The following STYXL2 variants were observed in gnomAD, a reference collection of about 807,000 sequenced individuals.
The protein encoded by STYXL2 is serine/threonine/tyrosine-interacting-like protein 2.
A neutral mutation model predicts 52.4 loss-of-function variants in STYXL2; 44 were observed. That is an observed-to-expected ratio of 0.84 (90% CI 0.66 to 1.08). The LOEUF (loss-of-function observed/expected upper bound fraction) is 1.08, where lower values mean the gene tolerates loss of function less well. Among genes scored for constraint, STYXL2 ranks in the 50% least tolerant of loss-of-function variants. The pLI is 0.00. For missense variants in STYXL2, 1,604 were observed against 1,471.7 expected, an observed-to-expected ratio of 1.09 and a Z score of -1.47; for synonymous variants, 604 against 586.9, an observed-to-expected ratio of 1.03 and a Z score of -0.42.
At chr1:167,121,537 A>C (rs946949461) in intron 5 of STYXL2, among the ~76,000 whole-genome samples, 18 of 152,380 alleles carry the variant, frequency 1.2e-4, no homozygotes, top group African/African-American at 4.3e-4. Context: ...GGCAGATCCC[A>C]GAATGTGGAA....
In STYXL2 at chr1:167,126,574, C is replaced by T. The variant is rs1312338200; in HGVS notation, c.1443C>T (p.Asn481=). 3 of 1,613,934 alleles carry T rather than the reference C, an allele frequency of 1.9e-6. No homozygotes were observed. Among genetic ancestry groups the T allele is most frequent in the African/African-American group, 1.3e-5 (1 of 75,016 alleles). Residue 481 remains asparagine, a synonymous_variant, in exon 6 of 6, where the codon AAC becomes AAT. Coordinates refer to ENST00000361200, the MANE Select transcript of STYXL2 (RefSeq NM_001080426.3). The part of the protein sequence containing the change: ...MSSESTWDAW[N]ERLLEIEKEA... Reference sequence around the variant, plus strand: ...CGGAGAGCACCTGGGACGCATGGAACGAGAGGCTGCTGGAGATTGAGAAGG... The same window carrying T: ...CGGAGAGCACCTGGGACGCATGGAATGAGAGGCTGCTGGAGATTGAGAAGG...
In STYXL2 at chr1:167,125,933, C is replaced by G; in HGVS notation, c.802C>G (p.Leu268Val). ...KRAIYPNEGF[L>V]KQLRELNEKL... ...GGCCATCTACCCCAATGAGGGCTTCCTGAAGCAGCTGCGGGAGCTCAATGA... is the reference window on the plus strand; with the variant it reads ...GGCCATCTACCCCAATGAGGGCTTCGTGAAGCAGCTGCGGGAGCTCAATGA... Residue 268 changes from leucine (L) to valine (V), a missense_variant, in exon 6 of 6, where the codon CTG becomes GTG. Transcript: ENST00000361200. 6.2e-7 allele frequency: 1 copy of G among 1,614,064 alleles called. No individual in the cohort carries two copies.
chr1:167,122,917 C>T (rs780825496), intron 5 of STYXL2, among the ~76,000 whole-genome samples: 35 of 152,276 alleles, frequency 2.3e-4, no homozygotes, highest in East Asian at 3.9e-4. Flanking sequence ...TCCACCACCT[C>T]GGCCTCCCAG....
At chr1:167,113,025 C>T (rs1429460828) in intron 2 of STYXL2, among the ~76,000 whole-genome samples, 2 of 152,150 alleles carry the variant, frequency 1.3e-5, no homozygotes, top group African/African-American at 4.8e-5. Context: ...GTAGATTCTC[C>T]ATGTTCCTAA....
Position 167,119,349 on chromosome 1 carries a change from A to T in STYXL2, c.538A>T (p.Thr180Ser). The change falls in exon 5 of 6, where the codon ACT becomes TCT. Residue 180 changes from threonine to serine, a missense_variant. Thr to Ser is a moderately conservative substitution (Grantham distance 58). Transcript: ENST00000361200. ...TGVYTGPEFY[T>S]GLEIQYLGVE... Reference sequence around the variant, plus strand: ...CGTTTACACTGGCCCCGAATTCTACACTGGCCTGGAGATCCAGTACCTGGG... The same window carrying T: ...CGTTTACACTGGCCCCGAATTCTACTCTGGCCTGGAGATCCAGTACCTGGG... 5 of 1,614,206 alleles carry T rather than the reference A, an allele frequency of 3.1e-6. No homozygotes were observed. Among genetic ancestry groups the T allele is most frequent in the South Asian group, 2.2e-5 (2 of 91,092 alleles).
At chr1:167,116,651 G>GTTT (rs57553225) in intron 3 of STYXL2, among the ~76,000 whole-genome samples, 1,328 of 113,688 alleles carry the variant, frequency 0.012, 53 homozygotes, top group African/African-American at 0.023. Context: ...TTTTTTTTTG[G>GTTT]TTTTTTTTTT....
chr1:167,128,013 A>G lies in STYXL2; in HGVS notation c.2882A>G (p.Lys961Arg), dbSNP rs1199586120. 6.2e-7 allele frequency: 1 copy of G among 1,614,230 alleles called. No individual in the cohort carries two copies. The highest frequency in any genetic ancestry group is 1.7e-5 in the Admixed American group (1 of 60,030). Residue 961 changes from lysine (K) to arginine (R), a missense_variant, in exon 6 of 6, where the codon AAG (lysine) becomes AGG (arginine). By Grantham distance (26) the Lys-to-Arg change is conservative. Coordinates refer to ENST00000361200, the MANE Select transcript of STYXL2 (RefSeq NM_001080426.3). ...GACTGGTCTGGAAGTTCCAGAGGGA[A>G]GTACACCAGATCGTCCCTGCTCAGG... is the stretch of plus-strand genomic sequence containing the variant. Reference protein sequence around the residue: ...QSDWSGSSRGKYTRSSLLRET... With the variant: ...QSDWSGSSRGRYTRSSLLRET...
chr1:167,128,461 G>A lies in STYXL2; in HGVS notation c.3330G>A (p.Gly1110=), dbSNP rs1668024514. ...AGAGGACAGAAAACAGAGAAGAAGG[G>A]AGGTTTGCATCTGGACGGCGGTCCC... The part of the protein sequence containing the change: ...EKERTENREE[G]RFASGRRSQY... Residue 1110 remains glycine, a synonymous_variant, in exon 6 of 6, where the codon GGG becomes GGA. Transcript: ENST00000361200. 1 of 1,614,084 alleles carries A rather than the reference G, an allele frequency of 6.2e-7. No homozygotes were observed. The highest frequency in any genetic ancestry group is 8.5e-7 in the Non-Finnish European group (1 of 1,180,002).
chr1:167,113,109 C>T (rs1667651110), intron 2 of STYXL2, among the ~76,000 whole-genome samples: 1 of 150,016 alleles, frequency 6.7e-6, no homozygotes, highest in Non-Finnish European at 1.5e-5. Context: ...ACTTTCTTTG[C>T]ATCCCTGGGC....
At chr1:167,096,622 G>A (rs1045641567) in intron 2 of STYXL2, among the ~76,000 whole-genome samples, 2 of 152,108 alleles carry the variant, frequency 1.3e-5, no homozygotes, top group African/African-American at 4.8e-5. Flanking sequence ...AGGTTTTATG[G>A]TCCAGATGTG....
rs1457881092 is a variant in STYXL2, at chr1:167,128,206, G to A, written c.3075G>A (p.Thr1025=). ...GREMHKFSRS[T]YNETSSSREE... ...AGATGCACAAGTTCTCCAGGTCCAC[G>A]TACAACGAGACCTCAAGTTCCCGAG... The change falls in exon 6 of 6, where the codon ACG becomes ACA. Residue 1025 remains threonine (T), a synonymous_variant. Transcript: ENST00000361200. 9 of 1,614,172 alleles carry A rather than the reference G, an allele frequency of 5.6e-6. No homozygotes were observed. Among genetic ancestry groups the A allele is most frequent in the African/African-American group, 1.3e-5 (1 of 75,044 alleles).
chr1:167,124,323 C>T (rs1558026193), intron 5 of STYXL2, among the ~76,000 whole-genome samples: 1 of 152,160 alleles, frequency 6.6e-6, no homozygotes, highest in East Asian at 1.9e-4. Context: ...CTCTGACCTC[C>T]TGTGTGACCA....
In STYXL2 at chr1:167,126,296, G is replaced by A. The variant is rs781560890; in HGVS notation, c.1165G>A (p.Val389Met). ...QGGEELEDEDVERIIQEWQSR... is the reference protein window; with the variant it reads ...QGGEELEDEDMERIIQEWQSR... Reference sequence around the variant, plus strand: ...TGGGGAGGAGCTCGAGGACGAGGACGTGGAGAGGATCATCCAGGAGTGGCA... The same window carrying A: ...TGGGGAGGAGCTCGAGGACGAGGACATGGAGAGGATCATCCAGGAGTGGCA... Residue 389 changes from valine to methionine, a missense_variant, in exon 6 of 6, where the codon GTG becomes ATG. Coordinates refer to ENST00000361200, the MANE Select transcript of STYXL2 (RefSeq NM_001080426.3). 54 of 1,528,868 alleles carry A rather than the reference G, an allele frequency of 3.5e-5. No individual in the cohort carries two copies. Among genetic ancestry groups the A allele is most frequent in the Non-Finnish European group, 4.7e-5 (53 of 1,137,220 alleles). The allele number at this position is 1,528,868 out of a possible 1,614,324, so 94.7% of individuals were successfully genotyped here.
intron 2 of STYXL2, among the ~76,000 whole-genome samples, chr1:167,098,557 C>T (rs1233289878): frequency 2.6e-5 from 4 of 152,188 alleles, no homozygotes; most frequent in Non-Finnish European, 5.9e-5. Flanking sequence ...CTGCTCATAA[C>T]TTCAAATTTT....
rs1462698078 is a variant in STYXL2, at chr1:167,126,515, C to T, written c.1384C>T (p.His462Tyr). The change falls in exon 6 of 6, where the codon CAC becomes TAC. Residue 462 changes from histidine to tyrosine, a missense_variant. By Grantham distance (83) the His-to-Tyr change is moderately conservative (BLOSUM62 2). Transcript: ENST00000361200. ...GCAGCTGGAGCTGAACCGCCCGGACCACGGCAGGAGGCGCCGCGCAGACTC... is the reference window on the plus strand; with the variant it reads ...GCAGCTGGAGCTGAACCGCCCGGACTACGGCAGGAGGCGCCGCGCAGACTC... ...KQQLELNRPDHGRRRRADSMS... is the reference protein window; with the variant it reads ...KQQLELNRPDYGRRRRADSMS... 1 of 1,612,758 alleles carries T rather than the reference C, an allele frequency of 6.2e-7. No homozygotes were observed. Among genetic ancestry groups the T allele is most frequent in the Admixed American group, 1.7e-5 (1 of 59,848 alleles).
At chr1:167,102,336 C>T (rs1667421507) in intron 2 of STYXL2, among the ~76,000 whole-genome samples, 1 of 151,428 alleles carries the variant, frequency 6.6e-6, no homozygotes, top group Non-Finnish European at 1.5e-5. Context: ...AAATAAAACC[C>T]TCTTTTAGGA....
chr1:167,098,777 C>T (rs932730546), intron 2 of STYXL2, among the ~76,000 whole-genome samples: 1 of 152,136 alleles, frequency 6.6e-6, no homozygotes, highest in Non-Finnish European at 1.5e-5. Flanking sequence ...GCCGGAATAC[C>T]TAAGATAGTC....
chr1:167,112,060 C>T (rs1388706424), intron 2 of STYXL2, among the ~76,000 whole-genome samples: 2 of 152,214 alleles, frequency 1.3e-5, no homozygotes, highest in African/African-American at 2.4e-5. Flanking sequence ...TATGGCCAGA[C>T]CCGCCCATGC....
At position 167,128,165 on chromosome 1, in the gene STYXL2, A is replaced by G. The variant is rs770654792; in HGVS notation, c.3034A>G (p.Thr1012Ala). The G allele has an allele frequency of 1.1e-5, 18 of 1,614,080 alleles. No homozygotes were observed. In the African/African-American group the frequency reaches 2.0e-4, roughly 18 times the overall value. The stretch of plus-strand genomic sequence containing the variant: ...CACTTCACGGTTCTCATCTTCCTCC[A>G]CCAGGGAGGGCAGAGAGATGCACAA... ...RSTSRFSSSS[T>A]REGREMHKFS... is the part of the protein sequence containing the mutation. The change falls in exon 6 of 6, where the codon ACC (threonine) becomes GCC (alanine). Residue 1012 changes from threonine (T) to alanine (A), a missense_variant. Thr to Ala is a moderately conservative substitution (Grantham distance 58, BLOSUM62 0). Transcript: ENST00000361200.
Sources: allele counts gnomAD v4.1 joint callset (sites outside exome capture counted in the v4.1 genomes callset), GRCh38; gene constraint gnomAD v4.1.1; transcripts MANE v1.5; gene names NCBI Gene and HGNC (gene_info 2026-07-23, HGNC 2026-07-21).